ZZZ3: variants seen among roughly 807,000 people sequenced by gnomAD.
The protein encoded by ZZZ3 is zinc finger ZZ-type containing 3.
In ZZZ3, 22 loss-of-function variants were observed where a neutral mutation model predicts 95.2. The observed-to-expected ratio is 0.23, with a 90% CI of 0.17 to 0.33. ZZZ3 has a LOEUF of 0.33. Among genes scored for constraint, ZZZ3 ranks in the 10% least tolerant of loss-of-function variants. The pLI, the probability that ZZZ3 is intolerant of heterozygous loss-of-function variation, is 1.00. For missense variants in ZZZ3, 885 were observed against 1,066.5 expected (o/e 0.83, Z 2.37); for synonymous variants, 335 against 358.9 (o/e 0.93, Z 0.75).
At position 77,581,206 on chromosome 1, in the gene ZZZ3, CT is replaced by C. The variant is rs200542073; in HGVS notation, c.1909-138del. ...GTAAATTTGTTTTTTAATGTATATG[CT>C]TTTTTTTTAACTGTTTACAAAATGC... On this transcript the variant is annotated intron_variant, in intron 8 of 14. Transcript: ENST00000370801. 3.8e-3 allele frequency: 2,519 copies of C among 667,488 alleles called. 9 individuals carry two copies. Among genetic ancestry groups the C allele is most frequent in the Non-Finnish European group, 4.7e-3 (1,851 of 391,574 alleles). The allele number at this position is 667,488 out of a possible 1,614,324, so 41.3% of individuals were successfully genotyped here.
chr1:77,612,012 A>C (rs1665860900), intron 5 of ZZZ3, among the ~76,000 whole-genome samples: 1 of 152,102 alleles, frequency 6.6e-6, no homozygotes, highest in Non-Finnish European at 1.5e-5. Context: ...GGCAAAGGAA[A>C]CAAACAACAA....
chr1:77,567,414 CTTT>C (rs1350188060), intron 13 of ZZZ3, among the ~76,000 whole-genome samples: 6 of 152,178 alleles, frequency 3.9e-5, no homozygotes, highest in Admixed American at 3.3e-4. Flanking sequence ...AAACCCACTG[CTTT>C]CCTAAAGATC....
At chr1:77,631,298 C>A (rs1310062734) in intron 5 of ZZZ3, among the ~76,000 whole-genome samples, 1 of 152,154 alleles carries the variant, frequency 6.6e-6, no homozygotes, top group African/African-American at 2.4e-5. Context: ...TGCTAATATG[C>A]TAATTACAAT....
At chr1:77,663,816 T>G (rs1388674993) in intron 1 of ZZZ3, among the ~76,000 whole-genome samples, 2 of 152,000 alleles carry the variant, frequency 1.3e-5, no homozygotes, top group Admixed American at 6.6e-5. Flanking sequence ...TGGCGCGATC[T>G]TGGCTCACCG....
intron 5 of ZZZ3, among the ~76,000 whole-genome samples, chr1:77,625,326 C>T (rs1043796686): frequency 2.0e-5 from 3 of 152,156 alleles, no homozygotes; most frequent in African/African-American, 7.2e-5. Context: ...CACAATCAAA[C>T]ATCCCACACA....
intron 5 of ZZZ3, among the ~76,000 whole-genome samples, chr1:77,585,770 T>C (rs1437501433): frequency 6.6e-6 from 1 of 152,182 alleles, no homozygotes; most frequent in Non-Finnish European, 1.5e-5. Flanking sequence ...AGTTCTGAAG[T>C]AAGCAAACAG....
chr1:77,630,675 A>C (rs779237704), intron 5 of ZZZ3, among the ~76,000 whole-genome samples: 1 of 152,220 alleles, frequency 6.6e-6, no homozygotes, highest in Non-Finnish European at 1.5e-5. Flanking sequence ...GACATGAACT[A>C]TCAAATACAA....
intron 4 of ZZZ3, 144 bp from the exon 5 acceptor site, chr1:77,633,549 G>A (rs1034142034): frequency 5.0e-5 from 25 of 500,518 alleles, no homozygotes; most frequent in Non-Finnish European, 7.8e-5. Context: ...ATTAAATTAT[G>A]TGATAAAAAT....
At chr1:77,666,460 G>A in intron 1 of ZZZ3, among the ~76,000 whole-genome samples, 1 of 152,024 alleles carries the variant, frequency 6.6e-6, no homozygotes, top group East Asian at 1.9e-4. Flanking sequence ...TTAAACCCAG[G>A]AGGTAGAGGT....
chr1:77,663,811 C>T (rs1450581638), intron 1 of ZZZ3, among the ~76,000 whole-genome samples: 14 of 151,530 alleles, frequency 9.2e-5, no homozygotes, highest in Non-Finnish European at 1.5e-4. Context: ...TGCAATGGCG[C>T]GATCTTGGCT....
At chr1:77,572,125 A>G (rs1454677923) in intron 12 of ZZZ3, among the ~76,000 whole-genome samples, 2 of 152,188 alleles carry the variant, frequency 1.3e-5, no homozygotes, top group East Asian at 1.9e-4. Flanking sequence ...AAATCTATAA[A>G]CTTTTCCACC....
chr1:77,568,581 CTT>C, intron 12 of ZZZ3, 115 bp from the exon 13 acceptor site: 1 of 530,950 alleles, frequency 1.9e-6, no homozygotes, highest in Non-Finnish European at 3.0e-6. Context: ...TAAAATATCT[CTT>C]AGTACTCATA....
At chr1:77,681,949 A>G (rs1008107750) in intron 1 of ZZZ3, among the ~76,000 whole-genome samples, 1 of 152,110 alleles carries the variant, frequency 6.6e-6, no homozygotes, top group Non-Finnish European at 1.5e-5. Flanking sequence ...CCTTAAATAT[A>G]TAACCTAAAA....
chr1:77,628,319 C>T (rs188176173), intron 5 of ZZZ3, among the ~76,000 whole-genome samples: 52 of 152,326 alleles, frequency 3.4e-4, no homozygotes, highest in Non-Finnish European at 4.3e-4. Context: ...CCTAATCTTT[C>T]AGAAGGCATG....
chr1:77,575,223 T>C (rs1661810084), intron 12 of ZZZ3, among the ~76,000 whole-genome samples: 1 of 152,124 alleles, frequency 6.6e-6, no homozygotes, highest in Non-Finnish European at 1.5e-5. Flanking sequence ...AATTGAGCAA[T>C]TATCCCACCT....
At chr1:77,576,922 A>G (rs1400221491) in intron 11 of ZZZ3, among the ~76,000 whole-genome samples, 4 of 152,220 alleles carry the variant, frequency 2.6e-5, no homozygotes, top group Non-Finnish European at 5.9e-5. Flanking sequence ...AATCCTTACA[A>G]CATTCCTATA....
At chr1:77,623,036 T>C (rs1261465301) in intron 5 of ZZZ3, among the ~76,000 whole-genome samples, 1 of 152,148 alleles carries the variant, frequency 6.6e-6, no homozygotes, top group Non-Finnish European at 1.5e-5. Flanking sequence ...AGAATGGCCA[T>C]CCTGCCATCC....
intron 1 of ZZZ3, among the ~76,000 whole-genome samples, chr1:77,676,394 C>G (rs2101080977): frequency 6.6e-6 from 1 of 152,314 alleles, no homozygotes; most frequent in South Asian, 2.1e-4. Context: ...TGTCCAAATC[C>G]TGGGCTGAAG....
chr1:77,658,178 C>CAAAAAAAAAAAAAAAAAAAAAAAAA (rs1186224710), intron 1 of ZZZ3, among the ~76,000 whole-genome samples: 1 of 76,324 alleles, frequency 1.3e-5, no homozygotes, highest in Non-Finnish European at 2.5e-5. Context: ...GACTTTGTCT[C>CAAAAAAAAAAAAAAAAAAAAAAAAA]AAAAAAAAAA....
Sources: allele counts gnomAD v4.1 joint callset (sites outside exome capture counted in the v4.1 genomes callset), GRCh38; gene constraint gnomAD v4.1.1; transcripts MANE v1.5; gene names NCBI Gene and HGNC (gene_info 2026-07-23, HGNC 2026-07-21).